The following TCF12 variants were observed in gnomAD, a reference collection of about 807,000 sequenced individuals.
TCF12 encodes transcription factor 12.
Under a neutral mutation model 86.0 loss-of-function variants are expected in TCF12, and 45 were observed. That is an observed-to-expected ratio of 0.52 (90% CI 0.41 to 0.67). TCF12 has a LOEUF of 0.67. Among genes scored for constraint, TCF12 ranks in the 30% least tolerant of loss-of-function variants. TCF12 has a pLI of 0.00. For synonymous variants in TCF12, 330 were observed against 299.6 expected (o/e 1.10, Z -1.05); for missense variants, 881 against 859.9 (o/e 1.02, Z -0.31).
chr15:57,126,331 T>C (rs1324278704), intron 5 of TCF12, among the ~76,000 whole-genome samples: 1 of 152,218 alleles, frequency 6.6e-6, no homozygotes, highest in Non-Finnish European at 1.5e-5. Context: ...CCAGAGGTGC[T>C]TCTTTGTTGA....
At chr15:57,215,423 C>T (rs571157701) in intron 8 of TCF12, among the ~76,000 whole-genome samples, 53 of 152,242 alleles carry the variant, frequency 3.5e-4, no homozygotes, top group African/African-American at 1.2e-3. Context: ...CGAGTTCATC[C>T]TTTAGGAAAA....
chr15:57,092,802 A>G (rs1283707547), intron 5 of TCF12, among the ~76,000 whole-genome samples: 1 of 152,118 alleles, frequency 6.6e-6, no homozygotes, highest in South Asian at 2.1e-4. Context: ...CATTGATTTC[A>G]TTACTTACTT....
chr15:57,244,228 C>A (rs1225560230), intron 13 of TCF12, among the ~76,000 whole-genome samples: 1 of 152,132 alleles, frequency 6.6e-6, no homozygotes, highest in Non-Finnish European at 1.5e-5. Context: ...CAAGATTAAT[C>A]TATTTAAAAG....
At chr15:57,177,607 C>CGAGAGAGAGAGAGA (rs1567572655) in intron 6 of TCF12, among the ~76,000 whole-genome samples, 112 of 4,994 alleles carry the variant, frequency 0.022, 1 homozygote, top group African/African-American at 0.048. Flanking sequence ...TGTTAAAAGG[C>CGAGAGAGAGAGAGA]CAGAGAGAGA....
chr15:57,247,584 C>G, intron 13 of TCF12: 1 of 854,068 alleles, frequency 1.2e-6, no homozygotes, highest in Non-Finnish European at 2.0e-6. Flanking sequence ...TCCATAACTT[C>G]TGCGGTTTCA....
chr15:57,090,632 A>G (rs1276487134), intron 4 of TCF12, among the ~76,000 whole-genome samples: 2 of 152,110 alleles, frequency 1.3e-5, no homozygotes, highest in Admixed American at 1.3e-4. Flanking sequence ...CAGCCACATT[A>G]ATGTCCTCTT....
rs533767531 is a variant in TCF12 at position 57,279,979 on chromosome 15, C to T, written c.1979-2466C>T. 6.3e-4 allele frequency among the ~76,000 whole-genome samples: 95 copies of T among 149,610 alleles called. 1 individual carries two copies. The highest frequency in any genetic ancestry group is 1.1e-3 in the Non-Finnish European group (76 of 67,772). ...CGCGATTTCGGCTCACTGCAGACTCCGTCTCCCCAGTTCAAGTGATTCTCC... is the reference window on the plus strand; with the variant it reads ...CGCGATTTCGGCTCACTGCAGACTCTGTCTCCCCAGTTCAAGTGATTCTCC... On this transcript the variant is annotated intron_variant, in intron 19 of 20. Coordinates refer to ENST00000333725, the MANE Select transcript of TCF12 (RefSeq NM_207037.2).
At chr15:57,238,187 T>A (rs1262600801) in intron 12 of TCF12, among the ~76,000 whole-genome samples, 3 of 152,208 alleles carry the variant, frequency 2.0e-5, no homozygotes, top group Non-Finnish European at 4.4e-5. Flanking sequence ...TTGGTGCTGT[T>A]TCTCCCGTTT....
At chr15:56,972,658 A>T (rs1950075489) in intron 3 of TCF12, among the ~76,000 whole-genome samples, 1 of 152,150 alleles carries the variant, frequency 6.6e-6, no homozygotes, top group Admixed American at 6.5e-5. Flanking sequence ...ATAATGAGGG[A>T]TGGGAATCTG....
chr15:57,245,714 A>G (rs1219245749), intron 13 of TCF12, among the ~76,000 whole-genome samples: 3 of 152,154 alleles, frequency 2.0e-5, no homozygotes, highest in South Asian at 2.1e-4. Flanking sequence ...CTTCATCTTT[A>G]TTTGATATTT....
chr15:56,965,146 T>C (rs2061946308), intron 3 of TCF12, among the ~76,000 whole-genome samples: 1 of 152,184 alleles, frequency 6.6e-6, no homozygotes, highest in Non-Finnish European at 1.5e-5. Flanking sequence ...GAAACCTTTC[T>C]TGAGAATGGG....
chr15:56,998,925 G>T (rs572160287), intron 3 of TCF12, among the ~76,000 whole-genome samples: 1 of 152,108 alleles, frequency 6.6e-6, no homozygotes, highest in East Asian at 1.9e-4. Flanking sequence ...ATGGCTGGGC[G>T]CGGTGGCTCA....
chr15:56,924,035 G>A (rs529707407), intron 3 of TCF12, among the ~76,000 whole-genome samples: 2 of 151,736 alleles, frequency 1.3e-5, no homozygotes, highest in African/African-American at 4.8e-5. Flanking sequence ...GGGGCGGGGG[G>A]TTATTTTTAG....
At chr15:57,088,208 CTATG>C (rs771646982) in intron 4 of TCF12, among the ~76,000 whole-genome samples, 1 of 152,174 alleles carries the variant, frequency 6.6e-6, no homozygotes, top group Non-Finnish European at 1.5e-5. Flanking sequence ...TACCTTCAAC[CTATG>C]TTCTCCAGCC....
intron 3 of TCF12, among the ~76,000 whole-genome samples, chr15:57,047,916 A>T (rs920317108): frequency 6.6e-6 from 1 of 152,238 alleles, no homozygotes; most frequent in South Asian, 2.1e-4. Flanking sequence ...TTCTTAGACT[A>T]CAAACCAGTA....
At chr15:56,993,267 C>T (rs117215243) in intron 3 of TCF12, among the ~76,000 whole-genome samples, 4,265 of 152,244 alleles carry the variant, frequency 0.028, 71 homozygotes, top group Non-Finnish European at 0.044. Flanking sequence ...TTCTCCATCT[C>T]TCATGCCCTA....
chr15:57,281,039 T>G (rs1008946978), intron 19 of TCF12, among the ~76,000 whole-genome samples: 3 of 152,082 alleles, frequency 2.0e-5, no homozygotes, highest in Non-Finnish European at 2.9e-5. Context: ...AAGTAGATTT[T>G]GATCCAGTGG....
intron 5 of TCF12, among the ~76,000 whole-genome samples, chr15:57,125,713 G>A (rs1255220405): frequency 6.6e-6 from 1 of 152,074 alleles, no homozygotes; most frequent in Non-Finnish European, 1.5e-5. Context: ...AGAATGTGCT[G>A]TACTTAAATT....
intron 4 of TCF12, among the ~76,000 whole-genome samples, chr15:57,071,163 T>C (rs1191019375): frequency 1.3e-5 from 2 of 151,832 alleles, no homozygotes; most frequent in African/African-American, 4.8e-5. Flanking sequence ...ACCCAGTACG[T>C]TGGGAGGCTA....
Sources: gnomAD v4.1 joint callset for allele counts (sites outside exome capture counted in the v4.1 genomes callset) on GRCh38, gnomAD v4.1.1 for gene constraint, MANE v1.5 for transcripts, NCBI Gene and HGNC (gene_info 2026-07-23, HGNC 2026-07-21) for gene names.